ME3: variants seen among roughly 807,000 people sequenced by gnomAD.
ME3 encodes the protein NADP-dependent malic enzyme, mitochondrial.
ME3 carries 48 observed loss-of-function variants against 68.9 expected under a neutral mutation model. The ratio of observed to expected loss-of-function variants is 0.70; its 90% confidence interval spans 0.55 to 0.89. The LOEUF is 0.89. Among genes scored for constraint, ME3 ranks in the 40% least tolerant of loss-of-function variants. ME3 has a pLI of 0.00. For missense variants in ME3, 675 were observed against 797.4 expected, an observed-to-expected ratio of 0.85 and a Z score of 1.85; for synonymous variants, 320 against 318.8, an observed-to-expected ratio of 1.00 and a Z score of -0.04.
chr11:86,667,074 C>A (rs1946631185), intron 2 of ME3, among the ~76,000 whole-genome samples: 1 of 152,210 alleles, frequency 6.6e-6, no homozygotes, highest in African/African-American at 2.4e-5. Flanking sequence ...GTCCTTCAAG[C>A]CTTTGCAGGT....
chr11:86,596,385 G>A (rs1959459853), intron 2 of ME3, among the ~76,000 whole-genome samples: 1 of 152,158 alleles, frequency 6.6e-6, no homozygotes, highest in Non-Finnish European at 1.5e-5. Context: ...TTTCATCATG[G>A]TCAGATGAAA....
intron 4 of ME3, among the ~76,000 whole-genome samples, chr11:86,534,551 T>A (rs1404284794): frequency 1.3e-5 from 2 of 152,090 alleles, no homozygotes; most frequent in Non-Finnish European, 2.9e-5. Context: ...GGCGCATGCC[T>A]GTAATCCCAG....
chr11:86,476,885 G>C (rs1951110911), intron 7 of ME3, among the ~76,000 whole-genome samples: 1 of 152,176 alleles, frequency 6.6e-6, no homozygotes, highest in African/African-American at 2.4e-5. Flanking sequence ...AGTAATATTG[G>C]AATGAAGGGG....
At chr11:86,633,381 C>G (rs1192351131) in intron 2 of ME3, among the ~76,000 whole-genome samples, 1 of 152,196 alleles carries the variant, frequency 6.6e-6, no homozygotes, top group Non-Finnish European at 1.5e-5. Context: ...GCACAACATG[C>G]TTACATAATT....
At chr11:86,645,591 G>C (rs1231582458) in intron 2 of ME3, among the ~76,000 whole-genome samples, 2 of 152,202 alleles carry the variant, frequency 1.3e-5, no homozygotes, top group African/African-American at 2.4e-5. Context: ...CTGGGACAGA[G>C]CACCTGGGGG....
rs1955244997 is a variant in ME3 at position 86,531,692 on chromosome 11, C to T, written c.468-22825G>A. ...CCATAAAAAATGATGAGTTCATGTCCTTTGTAGGGACATGGATGAAGCTGG... is the reference window on the plus strand; with the variant it reads ...CCATAAAAAATGATGAGTTCATGTCTTTTGTAGGGACATGGATGAAGCTGG... On this transcript the variant is annotated intron_variant, in intron 4 of 14. Coordinates refer to ENST00000543262, the Ensembl canonical transcript of ME3. Among the ~76,000 whole-genome samples, 4 of 152,052 alleles carry T rather than the reference C, an allele frequency of 2.6e-5. No individual in the cohort carries two copies. The South Asian group carries it at 6.2e-4, about 24-fold the overall frequency.
At chr11:86,450,761 TA>T (rs1421252459) in intron 8 of ME3, among the ~76,000 whole-genome samples, 5 of 152,026 alleles carry the variant, frequency 3.3e-5, no homozygotes, top group Non-Finnish European at 5.9e-5. Context: ...TAAAAACATT[TA>T]AAAAAATGAG....
chr11:86,617,055 T>G (rs979690989), intron 2 of ME3, among the ~76,000 whole-genome samples: 47 of 81,372 alleles, frequency 5.8e-4, no homozygotes, highest in African/African-American at 2.1e-3. Context: ...GTTTTTTTTT[T>G]TTTTTTTTTT....
chr11:86,459,852 T>C (rs1180111857), intron 8 of ME3, among the ~76,000 whole-genome samples: 1 of 152,150 alleles, frequency 6.6e-6, no homozygotes, highest in Non-Finnish European at 1.5e-5. Flanking sequence ...TTTAGCAGGA[T>C]TGGTGGACAA....
intron 4 of ME3, among the ~76,000 whole-genome samples, chr11:86,534,834 C>T (rs1005989963): frequency 3.3e-5 from 5 of 152,086 alleles, no homozygotes; most frequent in Non-Finnish European, 7.4e-5. Flanking sequence ...CTTTTGTTTT[C>T]CCAGGGTAAT....
intron 4 of ME3, among the ~76,000 whole-genome samples, chr11:86,523,944 TG>T (rs1954529576): frequency 6.6e-6 from 1 of 152,248 alleles, no homozygotes; most frequent in Admixed American, 6.5e-5. Context: ...TAGTTTCAGC[TG>T]TTACTTAGAA....
At chr11:86,588,837 A>G (rs1958888730) in intron 2 of ME3, among the ~76,000 whole-genome samples, 1 of 152,202 alleles carries the variant, frequency 6.6e-6, no homozygotes, top group African/African-American at 2.4e-5. Context: ...ATCTCTGGGC[A>G]CAATGCCTTT....
intron 7 of ME3, among the ~76,000 whole-genome samples, chr11:86,467,373 A>G (rs1178028882): frequency 6.6e-6 from 1 of 152,162 alleles, no homozygotes; most frequent in Non-Finnish European, 1.5e-5. Flanking sequence ...CCCACCATCC[A>G]GCCCTCTTTT....
At chr11:86,537,025 C>G (rs1056204986) in intron 4 of ME3, among the ~76,000 whole-genome samples, 5 of 150,828 alleles carry the variant, frequency 3.3e-5, no homozygotes, top group Admixed American at 2.7e-4. Flanking sequence ...TCTCAGTAAA[C>G]TATCGGAAGA....
chr11:86,589,375 G>A (rs886197137), intron 2 of ME3, among the ~76,000 whole-genome samples: 1 of 151,626 alleles, frequency 6.6e-6, no homozygotes, highest in Admixed American at 6.6e-5. Context: ...AAGAAAGAGA[G>A]AGAATATATG....
intron 7 of ME3, among the ~76,000 whole-genome samples, chr11:86,469,079 T>G (rs1950642516): frequency 6.6e-6 from 1 of 151,984 alleles, no homozygotes; most frequent in African/African-American, 2.4e-5. Context: ...AAAAGCTAAA[T>G]AGGTAATAAG....
At chr11:86,516,454 C>A (rs1031720966) in intron 4 of ME3, among the ~76,000 whole-genome samples, 2 of 152,096 alleles carry the variant, frequency 1.3e-5, no homozygotes, top group Non-Finnish European at 2.9e-5. Context: ...GTGGCATGAT[C>A]TCTGCTCACT....
intron 8 of ME3, chr11:86,457,661 G>A (rs757151609): frequency 2.8e-5 from 36 of 1,284,916 alleles, no homozygotes; most frequent in Admixed American, 4.6e-5. Context: ...TAGCTGTTTC[G>A]AGGTAACCAC....
intron 10 of ME3, 143 bp downstream of exon 10, chr11:86,449,746 T>C (rs536885901): frequency 9.8e-5 from 60 of 613,020 alleles, no homozygotes; most frequent in Non-Finnish European, 1.5e-4. Flanking sequence ...TTGGGATGAA[T>C]CTTTTGCTTT....
Sources: gnomAD v4.1 joint callset for allele counts (sites outside exome capture counted in the v4.1 genomes callset) on GRCh38, gnomAD v4.1.1 for gene constraint, MANE v1.5 for transcripts, NCBI Gene and HGNC (gene_info 2026-07-23, HGNC 2026-07-21) for gene names.